The following OXCT1 variants were observed in gnomAD, a reference collection of about 807,000 sequenced individuals.
OXCT1 encodes the protein 3-oxoacid CoA-transferase 1.
A neutral mutation model predicts 69.6 loss-of-function variants in OXCT1; 27 were observed. That is an observed-to-expected ratio of 0.39 (90% CI 0.29 to 0.54). The LOEUF (loss-of-function observed/expected upper bound fraction) is 0.54, where lower values mean the gene tolerates loss of function less well. Among genes scored for constraint, OXCT1 ranks in the 20% least tolerant of loss-of-function variants. The probability of loss-of-function intolerance (pLI) is 0.72; values close to 1 mark genes in which losing one functional copy is unlikely to be tolerated. For missense variants in OXCT1, 437 were observed against 650.2 expected (o/e 0.67, Z 3.57); for synonymous variants, 202 against 217.8 (o/e 0.93, Z 0.64).
chr5:41,768,753 T>C (rs1046028532), intron 13 of OXCT1, among the ~76,000 whole-genome samples: 8 of 152,182 alleles, frequency 5.3e-5, no homozygotes, highest in African/African-American at 1.9e-4. Flanking sequence ...TGTGTCCAGC[T>C]TTGTCCCTCT....
rs910702159 is a variant in OXCT1, at chr5:41,730,910, T to A, written c.*819A>T. On this transcript the variant is annotated 3_prime_UTR_variant, in exon 17 of 17. Coordinates refer to ENST00000196371, the MANE Select transcript of OXCT1 (RefSeq NM_000436.4). ...TTTTATTTTTTAACTCTGCTGTCAT[T>A]GCTACTAAGGATTCATGGTAAATTA... The A allele has an allele frequency of 1.3e-5, 2 of 152,198 alleles. No individual in the cohort carries two copies. The highest frequency in any genetic ancestry group is 2.9e-5 in the Non-Finnish European group (2 of 68,036). The allele number at this position is 152,198 out of a possible 1,614,324, so 9.4% of individuals were successfully genotyped here.
At chr5:41,830,153 G>T (rs191418194) in intron 7 of OXCT1, among the ~76,000 whole-genome samples, 174 of 152,256 alleles carry the variant, frequency 1.1e-3, no homozygotes, top group Non-Finnish European at 2.3e-3. Flanking sequence ...ATAAATGTAA[G>T]TTGAAGATTT....
chr5:41,821,904 G>C (rs1226839410), intron 7 of OXCT1, among the ~76,000 whole-genome samples: 1 of 152,098 alleles, frequency 6.6e-6, no homozygotes, highest in Non-Finnish European at 1.5e-5. Flanking sequence ...TCCCTGTACA[G>C]TGTCTTCCAC....
At chr5:41,822,244 G>A (rs1055288494) in intron 7 of OXCT1, among the ~76,000 whole-genome samples, 3 of 152,100 alleles carry the variant, frequency 2.0e-5, no homozygotes, top group Admixed American at 1.3e-4. Flanking sequence ...TACTGGGAGT[G>A]ACAGGAGGCA....
chr5:41,753,932 G>T (rs377449916), intron 14 of OXCT1, among the ~76,000 whole-genome samples: 3 of 152,178 alleles, frequency 2.0e-5, no homozygotes, highest in African/African-American at 4.8e-5. Context: ...ACTAGAAGCA[G>T]CACAGCTAGC....
At chr5:41,798,939 C>T (rs1746302647) in intron 11 of OXCT1, among the ~76,000 whole-genome samples, 1 of 152,162 alleles carries the variant, frequency 6.6e-6, no homozygotes, top group South Asian at 2.1e-4. Flanking sequence ...TTATCTTGAA[C>T]CCATCACTTC....
At position 41,870,264 on chromosome 5, in the gene OXCT1, C is replaced by T. The variant is rs749330782; in HGVS notation, c.78+17G>A. 23 of 1,607,974 alleles carry T rather than the reference C, an allele frequency of 1.4e-5. No individual in the cohort carries two copies. Among genetic ancestry groups the T allele is most frequent in the Non-Finnish European group, 2.0e-5 (23 of 1,174,866 alleles). ...CGTTCTTCCTGCCCATGGCCTTCCT[C>T]TTCCCCCGCACTTTACCTTGTACCA... is the stretch of plus-strand genomic sequence containing the variant. On this transcript the variant is annotated intron_variant, in intron 1 of 16. Transcript: ENST00000196371. The surrounding 1 kb of genome is among the most constrained non-coding windows in gnomAD (Gnocchi z 4.2).
chr5:41,760,000 A>G (rs1387992861), intron 14 of OXCT1, among the ~76,000 whole-genome samples: 5 of 152,166 alleles, frequency 3.3e-5, no homozygotes, highest in African/African-American at 7.2e-5. Flanking sequence ...TGGCATATCT[A>G]AAAGAACAGA....
At chr5:41,771,688 G>A (rs913847963) in intron 13 of OXCT1, among the ~76,000 whole-genome samples, 7 of 152,148 alleles carry the variant, frequency 4.6e-5, no homozygotes, top group Non-Finnish European at 1.0e-4. Flanking sequence ...ATGACCAAGT[G>A]TTTCAGGATA....
In OXCT1 at chr5:41,731,600, A is replaced by G; in HGVS notation, c.*129T>C. On this transcript the variant is annotated 3_prime_UTR_variant, in exon 17 of 17. Transcript: ENST00000196371. ...GAGAACAGTTTATATGGCTGCATAA[A>G]GTCTGAAACACAAGAAAACTAATAA... 1.5e-6 allele frequency: 2 copies of G among 1,325,394 alleles called. No individual in the cohort carries two copies. Among genetic ancestry groups the G allele is most frequent in the South Asian group, 1.3e-5 (1 of 76,008 alleles). 82.1% of individuals were successfully genotyped at this position (1,325,394 alleles called of 1,614,324 possible).
At chr5:41,822,869 T>C (rs1747625653) in intron 7 of OXCT1, among the ~76,000 whole-genome samples, 1 of 152,242 alleles carries the variant, frequency 6.6e-6, no homozygotes, top group Non-Finnish European at 1.5e-5. Context: ...ATAGACAACA[T>C]ACAGCTGAGT....
At chr5:41,862,179 C>A (rs779722560) in intron 2 of OXCT1, among the ~76,000 whole-genome samples, 5 of 152,160 alleles carry the variant, frequency 3.3e-5, no homozygotes, top group Non-Finnish European at 5.9e-5. Flanking sequence ...CCACTGCACT[C>A]CAGCCTGGGT....
At chr5:41,789,403 C>T (rs985621831) in intron 13 of OXCT1, among the ~76,000 whole-genome samples, 4 of 152,136 alleles carry the variant, frequency 2.6e-5, no homozygotes, top group African/African-American at 9.7e-5. Context: ...ACTGCATCCC[C>T]AAAAACGTTG....
intron 12 of OXCT1, 71 bp downstream of exon 12, chr5:41,794,606 C>T: frequency 7.2e-7 from 1 of 1,384,030 alleles, no homozygotes; most frequent in Non-Finnish European, 1.0e-6. Flanking sequence ...CAGAGCCTTG[C>T]TAACACACTC....
At chr5:41,829,814 T>C (rs903395322) in intron 7 of OXCT1, among the ~76,000 whole-genome samples, 1 of 152,172 alleles carries the variant, frequency 6.6e-6, no homozygotes, top group African/African-American at 2.4e-5. Flanking sequence ...GTAATTCTAT[T>C]AGGTTATTTT....
intron 15 of OXCT1, among the ~76,000 whole-genome samples, chr5:41,745,375 C>T (rs1743418788): frequency 6.6e-6 from 1 of 151,968 alleles, no homozygotes; most frequent in Non-Finnish European, 1.5e-5. Context: ...CACAACATAC[C>T]AGAATCTCTG....
intron 1 of OXCT1, among the ~76,000 whole-genome samples, chr5:41,864,026 G>A (rs1480827517): frequency 2.0e-5 from 3 of 152,140 alleles, no homozygotes; most frequent in Non-Finnish European, 4.4e-5. Context: ...TTATCTACAA[G>A]GAAGGTAAGT....
chr5:41,777,138 C>A (rs1373239642), intron 13 of OXCT1, among the ~76,000 whole-genome samples: 1 of 152,106 alleles, frequency 6.6e-6, no homozygotes, highest in Non-Finnish European at 1.5e-5. Flanking sequence ...AAAAAAGGGG[C>A]CGGGTGCGGT....
Position 41,840,520 on chromosome 5 carries a change from G to A in OXCT1, c.672-9C>T, listed in dbSNP as rs760883800. On this transcript the variant is annotated splice_polypyrimidine_tract_variant and intron_variant, in intron 6 of 16. Coordinates refer to ENST00000196371, the MANE Select transcript of OXCT1 (RefSeq NM_000436.4). ...AATTCCTTGCACTTTTCCTACAGGG[G>A]TGGAGGAGATAAGAAAGTGGGGGGG... The A allele has an allele frequency of 1.2e-6, 2 of 1,605,996 alleles. No individual in the cohort carries two copies. Among genetic ancestry groups the A allele is most frequent in the East Asian group, 2.2e-5 (1 of 44,786 alleles).
Sources: gnomAD v4.1 joint callset for allele counts (sites outside exome capture counted in the v4.1 genomes callset) on GRCh38, gnomAD v4.1.1 for gene constraint, Gnocchi (gnomAD v3.1) non-coding constraint, MANE v1.5 for transcripts, NCBI Gene and HGNC (gene_info 2026-07-23, HGNC 2026-07-21) for gene names.